MNAT1: variants seen among roughly 807,000 people sequenced by gnomAD.
MNAT1 encodes the protein CDK-activating kinase assembly factor MAT1.
Under a neutral mutation model 42.0 loss-of-function variants are expected in MNAT1, and 43 were observed. The observed-to-expected ratio is 1.02, with a 90% CI of 0.80 to 1.32. The LOEUF is 1.32. MNAT1 is among the 40% of genes most tolerant of loss of function. MNAT1 has a pLI of 0.00. For missense variants in MNAT1, 306 were observed against 350.4 expected (o/e 0.87, Z 1.01); for synonymous variants, 118 against 120.0 (o/e 0.98, Z 0.11).
chr14:60,848,510 C>T (rs1458201086), intron 6 of MNAT1, among the ~76,000 whole-genome samples: 4 of 152,110 alleles, frequency 2.6e-5, no homozygotes, highest in African/African-American at 7.2e-5. Flanking sequence ...ATATAATTTT[C>T]CTCAAGCTTT....
chr14:60,864,950 C>G (rs921825339), intron 6 of MNAT1, among the ~76,000 whole-genome samples: 2 of 152,020 alleles, frequency 1.3e-5, no homozygotes, highest in African/African-American at 4.8e-5. Flanking sequence ...AAAACAACTA[C>G]TCCTTCTGTT....
chr14:60,794,359 T>C (rs1373099464), intron 1 of MNAT1, among the ~76,000 whole-genome samples: 3 of 151,904 alleles, frequency 2.0e-5, no homozygotes, highest in African/African-American at 7.3e-5. Flanking sequence ...TATTTTTTAG[T>C]GACACTATTA....
intron 6 of MNAT1, among the ~76,000 whole-genome samples, chr14:60,849,302 G>A (rs964084777): frequency 6.6e-6 from 1 of 152,070 alleles, no homozygotes; most frequent in Non-Finnish European, 1.5e-5. Flanking sequence ...GATACAAAAC[G>A]TTCCTTCTTA....
chr14:60,842,467 A>G (rs1000109371), intron 6 of MNAT1, among the ~76,000 whole-genome samples: 3 of 151,998 alleles, frequency 2.0e-5, no homozygotes, highest in African/African-American at 7.2e-5. Flanking sequence ...GGTTCATTTC[A>G]TTTGTTTTTC....
At chr14:60,775,103 G>A (rs1247626569) in intron 1 of MNAT1, among the ~76,000 whole-genome samples, 1 of 152,112 alleles carries the variant, frequency 6.6e-6, no homozygotes, top group Non-Finnish European at 1.5e-5. Flanking sequence ...CAACTTTTAG[G>A]TGGTTTACAG....
intron 1 of MNAT1, among the ~76,000 whole-genome samples, chr14:60,778,905 G>A (rs750253016): frequency 6.6e-6 from 1 of 152,120 alleles, no homozygotes; most frequent in Admixed American, 6.5e-5. Context: ...AATAGGAGTG[G>A]TCTCATTTAC....
intron 1 of MNAT1, among the ~76,000 whole-genome samples, chr14:60,739,041 G>A (rs1896389086): frequency 6.6e-6 from 1 of 152,120 alleles, no homozygotes; most frequent in South Asian, 2.1e-4. Context: ...ACTGGGCCTG[G>A]AGTATCTGTT....
chr14:60,923,327 T>C (rs1426445993), intron 7 of MNAT1, among the ~76,000 whole-genome samples: 1 of 152,230 alleles, frequency 6.6e-6, no homozygotes, highest in East Asian at 1.9e-4. Flanking sequence ...CTGATGCTGA[T>C]GGTTAAGGAC....
intron 7 of MNAT1, among the ~76,000 whole-genome samples, chr14:60,897,093 G>A (rs1444690987): frequency 6.6e-6 from 1 of 152,012 alleles, no homozygotes; most frequent in East Asian, 1.9e-4. Flanking sequence ...ATTCTTAGAA[G>A]TTCATATCAC....
At chr14:60,922,705 A>G (rs1594876870) in intron 7 of MNAT1, among the ~76,000 whole-genome samples, 1 of 152,272 alleles carries the variant, frequency 6.6e-6, no homozygotes, top group East Asian at 1.9e-4. Context: ...TTTTCTCTTA[A>G]GGCTAGGAAA....
rs567853568 is a variant in MNAT1 at position 60,768,450 on chromosome 14, A to C, written c.90-27767A>C. ...TAAATGATATGTTCTACAGAAACACAAGGACAAATTACAAAGGTTTTAGGA... is the reference window on the plus strand; with the variant it reads ...TAAATGATATGTTCTACAGAAACACCAGGACAAATTACAAAGGTTTTAGGA... On this transcript the variant is annotated intron_variant, in intron 1 of 7. Coordinates refer to ENST00000261245, the MANE Select transcript of MNAT1 (RefSeq NM_002431.4). Among the ~76,000 whole-genome samples the C allele has an allele frequency of 2.0e-5, 3 of 152,356 alleles. No individual in the cohort carries two copies. The East Asian group carries it at 5.8e-4, about 29-fold the overall frequency.
intron 6 of MNAT1, among the ~76,000 whole-genome samples, chr14:60,871,217 A>C (rs182928986): frequency 2.0e-5 from 3 of 152,272 alleles, no homozygotes; most frequent in South Asian, 4.1e-4. Context: ...TGTTTCCACT[A>C]TTTGGCTGCT....
intron 1 of MNAT1, among the ~76,000 whole-genome samples, chr14:60,792,783 A>G (rs2031869593): frequency 6.6e-6 from 1 of 152,212 alleles, no homozygotes; most frequent in Admixed American, 6.5e-5. Context: ...CAGAGAGAAA[A>G]AGGATGTCAT....
At chr14:60,921,388 CAG>C (rs2035656487) in intron 7 of MNAT1, among the ~76,000 whole-genome samples, 2 of 152,112 alleles carry the variant, frequency 1.3e-5, no homozygotes, top group African/African-American at 4.8e-5. Flanking sequence ...TATAAGCAAA[CAG>C]AAGAAAAATT....
At chr14:60,834,792 TG>T (rs2033330776) in intron 6 of MNAT1, among the ~76,000 whole-genome samples, 1 of 152,206 alleles carries the variant, frequency 6.6e-6, no homozygotes, top group African/African-American at 2.4e-5. Context: ...GGAGTTTGTG[TG>T]GGAGTCTAAG....
At chr14:60,836,815 T>C (rs1291375474) in intron 6 of MNAT1, among the ~76,000 whole-genome samples, 1 of 152,216 alleles carries the variant, frequency 6.6e-6, no homozygotes, top group Non-Finnish European at 1.5e-5. Context: ...CAGGAACGTT[T>C]ATGTCTGCTG....
At chr14:60,824,949 C>T (rs981428390) in intron 6 of MNAT1, among the ~76,000 whole-genome samples, 8 of 151,406 alleles carry the variant, frequency 5.3e-5, no homozygotes, top group Non-Finnish European at 7.4e-5. Context: ...GATCACTTAC[C>T]CCCACCCCAT....
Position 60,740,722 on chromosome 14 carries a change from A to G in MNAT1, c.89+5771A>G, listed in dbSNP as rs1177719368. Among the ~76,000 whole-genome samples the G allele has an allele frequency of 6.6e-6, 1 of 152,208 alleles. No individual in the cohort carries two copies. Among genetic ancestry groups the G allele is most frequent in the Non-Finnish European group, 1.5e-5 (1 of 68,030 alleles). On this transcript the variant is annotated intron_variant, in intron 1 of 7. Coordinates refer to ENST00000261245, the MANE Select transcript of MNAT1 (RefSeq NM_002431.4). This position sits in a 1 kb window ranked among gnomAD's most constrained non-coding sequence, Gnocchi z 4.1. ...TAATTTTCTGTTGTGATAAGAGGAT[A>G]TACTCTATAAAATTTCAGTCTTTTG...
chr14:60,968,205 G>A (rs767192176), intron 7 of MNAT1, 24 bp from the exon 8 acceptor site: 1 of 1,557,658 alleles, frequency 6.4e-7, no homozygotes, highest in Non-Finnish European at 8.8e-7. Context: ...GTATATCAAT[G>A]CTACACTTCT....
Sources: allele counts gnomAD v4.1 joint callset (sites outside exome capture counted in the v4.1 genomes callset), GRCh38; gene constraint gnomAD v4.1.1; non-coding constraint Gnocchi (gnomAD v3.1); transcripts MANE v1.5; gene names NCBI Gene and HGNC (gene_info 2026-07-23, HGNC 2026-07-21).